PDZD2: variants seen among roughly 807,000 people sequenced by gnomAD.
The protein encoded by PDZD2 is PDZ domain containing 2, also known as PDZ domain-containing protein 2.
PDZD2 carries 90 observed loss-of-function variants against 220.7 expected under a neutral mutation model. That is an observed-to-expected ratio of 0.41 (90% CI 0.34 to 0.49). PDZD2 has a LOEUF of 0.49. Among genes scored for constraint, PDZD2 ranks in the 20% least tolerant of loss-of-function variants. PDZD2 has a pLI of 0.28. For synonymous variants in PDZD2, 1,375 were observed against 1,450.5 expected (o/e 0.95, Z 1.18); for missense variants, 3,174 against 3,608.5 (o/e 0.88, Z 3.08).
intron 1 of PDZD2, among the ~76,000 whole-genome samples, chr5:31,658,718 C>G (rs13358078): frequency 0.01 from 1,576 of 152,068 alleles, 23 homozygotes; most frequent in African/African-American, 0.036. Context: ...CTCCTGGGTT[C>G]AAGCGATTCT....
chr5:31,665,590 A>G (rs1418392385), intron 1 of PDZD2, among the ~76,000 whole-genome samples: 1 of 151,716 alleles, frequency 6.6e-6, no homozygotes, highest in Non-Finnish European at 1.5e-5. Flanking sequence ...TTCTTGTGAT[A>G]GTGAGGGAGT....
At chr5:31,785,214 A>T (rs1025363734) in intron 1 of PDZD2, among the ~76,000 whole-genome samples, 2 of 152,088 alleles carry the variant, frequency 1.3e-5, no homozygotes, top group Admixed American at 6.5e-5. Flanking sequence ...ATGTTTACAC[A>T]TGAGAAATAG....
chr5:32,082,665 T>A (rs1742083556), intron 19 of PDZD2, among the ~76,000 whole-genome samples: 1 of 152,218 alleles, frequency 6.6e-6, no homozygotes, highest in Non-Finnish European at 1.5e-5. Flanking sequence ...GAAACATATA[T>A]GTGTGTATAT....
rs373730318 is a variant in PDZD2, at chr5:31,818,232, A to G, written c.476+18508A>G. On this transcript the variant is annotated intron_variant, in intron 2 of 24. Transcript: ENST00000438447. ...AGCAATCCACCTTCCTCAGCCTTCC[A>G]AAGTGTTGCGATTATAGGCGTGAGC... is the stretch of plus-strand genomic sequence containing the variant. 2.4e-4 allele frequency among the ~76,000 whole-genome samples: 36 copies of G among 152,174 alleles called. No homozygotes were observed. The South Asian group carries it at 7.3e-3, about 31-fold the overall frequency.
rs530567440 is a variant in PDZD2, at chr5:31,669,558, G to A, written c.-361+30121G>A. 2.0e-5 allele frequency among the ~76,000 whole-genome samples: 3 copies of A among 152,280 alleles called. No homozygotes were observed. The South Asian group carries it at 6.2e-4, about 32-fold the overall frequency. On this transcript the variant is annotated intron_variant, in intron 1 of 24. Coordinates refer to ENST00000438447, the MANE Select transcript of PDZD2 (RefSeq NM_178140.4). ...GGGAGTTATTTCATCTCAAAGTGAAGCCTGCAAGGGGCCTTAACATTATCT... is the reference window on the plus strand; with the variant it reads ...GGGAGTTATTTCATCTCAAAGTGAAACCTGCAAGGGGCCTTAACATTATCT...
At chr5:32,006,101 C>T (rs1300492357) in intron 5 of PDZD2, among the ~76,000 whole-genome samples, 2 of 149,972 alleles carry the variant, frequency 1.3e-5, no homozygotes, top group Admixed American at 6.7e-5. Context: ...GAGCTGAGAT[C>T]GCGCCACTGC....
intron 2 of PDZD2, among the ~76,000 whole-genome samples, chr5:31,926,838 T>C (rs570340596): frequency 1.6e-5 from 2 of 122,436 alleles, no homozygotes; most frequent in South Asian, 2.8e-4. Flanking sequence ...TAATGCTAGA[T>C]TGGATAAACA....
At chr5:31,849,923 TATATATATACACATATATATATATAC>T (rs1757856051) in intron 2 of PDZD2, among the ~76,000 whole-genome samples, 1 of 22,448 alleles carries the variant, frequency 4.5e-5, no homozygotes, top group African/African-American at 2.6e-4. Flanking sequence ...TATATACATA[TATATATATACACATATATATATATAC>T]ATATATATAT....
intron 5 of PDZD2, among the ~76,000 whole-genome samples, chr5:32,004,488 G>A (rs1371480835): frequency 6.6e-6 from 1 of 152,240 alleles, no homozygotes; most frequent in Non-Finnish European, 1.5e-5. Flanking sequence ...CTACTTGGGA[G>A]GCTGAAGCAA....
intron 9 of PDZD2, 115 bp downstream of exon 9, chr5:32,052,845 C>T (rs1738704494): frequency 8.9e-7 from 1 of 1,123,060 alleles, no homozygotes. Context: ...GGTTCTTGCT[C>T]TGTTGCCCAG....
chr5:31,847,082 C>G (rs531878066), intron 2 of PDZD2, among the ~76,000 whole-genome samples: 1 of 152,280 alleles, frequency 6.6e-6, no homozygotes, highest in African/African-American at 2.4e-5. Flanking sequence ...CGTTAAAAAT[C>G]TTGTCTTGAT....
chr5:31,976,729 T>G (rs1749809801), intron 2 of PDZD2, among the ~76,000 whole-genome samples: 1 of 144,060 alleles, frequency 6.9e-6, no homozygotes, highest in Admixed American at 6.9e-5. Context: ...TTTTTTTTTT[T>G]TTTTTTGTGA....
chr5:31,877,485 A>G (rs1482565120), intron 2 of PDZD2, among the ~76,000 whole-genome samples: 2 of 151,926 alleles, frequency 1.3e-5, no homozygotes, highest in Non-Finnish European at 2.9e-5. Context: ...TCTCAAAGTG[A>G]TAGGATTACA....
intron 2 of PDZD2, among the ~76,000 whole-genome samples, chr5:31,939,460 G>A (rs1418380857): frequency 6.6e-6 from 1 of 152,224 alleles, no homozygotes; most frequent in African/African-American, 2.4e-5. Context: ...TGTGTGGCCA[G>A]ATGCAGTGAG....
At chr5:31,672,626 T>G (rs1046837843) in intron 1 of PDZD2, among the ~76,000 whole-genome samples, 1 of 152,206 alleles carries the variant, frequency 6.6e-6, no homozygotes, top group African/African-American at 2.4e-5. Context: ...AGTACCCAAA[T>G]AACCCACTTT....
intron 2 of PDZD2, among the ~76,000 whole-genome samples, chr5:31,849,827 G>A (rs950440606): frequency 7.5e-5 from 11 of 146,238 alleles, no homozygotes; most frequent in Non-Finnish European, 1.3e-4. Context: ...TTGGGTGATG[G>A]AGTGAGACTC....
chr5:31,667,235 CAAAAAAAA>C (rs3031718), intron 1 of PDZD2, among the ~76,000 whole-genome samples: 1 of 52,842 alleles, frequency 1.9e-5, no homozygotes, highest in East Asian at 6.2e-4. Flanking sequence ...GACTCCGTCT[CAAAAAAAA>C]AAAAAAAAAA....
At chr5:31,847,913 G>C (rs1162030568) in intron 2 of PDZD2, 4 of 468,600 alleles carry the variant, frequency 8.5e-6, no homozygotes, top group Admixed American at 7.1e-5. Context: ...GGAAGATGAA[G>C]ATGCTTACCA....
At chr5:31,812,579 C>G (rs1025644304) in intron 2 of PDZD2, among the ~76,000 whole-genome samples, 5 of 152,158 alleles carry the variant, frequency 3.3e-5, no homozygotes, top group African/African-American at 1.2e-4. Context: ...GCTGAGACTA[C>G]AGGTGTGAAC....
Sources: gnomAD v4.1 joint callset for allele counts (sites outside exome capture counted in the v4.1 genomes callset) on GRCh38, gnomAD v4.1.1 for gene constraint, MANE v1.5 for transcripts, NCBI Gene and HGNC (gene_info 2026-07-23, HGNC 2026-07-21) for gene names.